Variants in CCDC88B observed in about 807,000 individuals in gnomAD.
CCDC88B encodes coiled-coil domain-containing protein 88B.
CCDC88B carries 138 observed loss-of-function variants against 183.7 expected under a neutral mutation model. The ratio of observed to expected loss-of-function variants is 0.75; its 90% CI spans 0.65 to 0.87. The LOEUF (loss-of-function observed/expected upper bound fraction) is 0.87, where lower values mean the gene tolerates loss of function less well. Among genes scored for constraint, CCDC88B ranks in the 40% least tolerant of loss-of-function variants. The pLI, the probability that CCDC88B is intolerant of heterozygous loss-of-function variation, is 0.00. For missense variants in CCDC88B, 1,822 were observed against 1,965.6 expected (o/e 0.93, Z 1.38); for synonymous variants, 835 against 867.5 (o/e 0.96, Z 0.66).
chr11:64,353,504 G>T lies in CCDC88B; in HGVS notation c.3833+8G>T. On this transcript the variant is annotated splice_region_variant and intron_variant, in intron 22 of 26. Transcript: ENST00000356786. ...CGAACAGCGGGAGTACCTGTGAGTGGGCCGCCTGGGAGCGGGGTGGGGCCT... is the reference window on the plus strand; with the variant it reads ...CGAACAGCGGGAGTACCTGTGAGTGTGCCGCCTGGGAGCGGGGTGGGGCCT... The T allele has an allele frequency of 6.2e-7, 1 of 1,609,820 alleles. No homozygotes were observed. The highest frequency in any genetic ancestry group is 8.5e-7 in the Non-Finnish European group (1 of 1,179,064).
chr11:64,341,315 G>A lies in CCDC88B; in HGVS notation c.434G>A (p.Gly145Glu), dbSNP rs2035840666. 30 of 1,614,146 alleles carry A rather than the reference G, an allele frequency of 1.9e-5. No homozygotes were observed. Among genetic ancestry groups the A allele is most frequent in the Non-Finnish European group, 2.5e-5 (30 of 1,180,028 alleles). ...QLEGVLRLLLGASVQCEHREL... is the reference protein window; with the variant it reads ...QLEGVLRLLLEASVQCEHREL... ...GAAGGCGTTCTTCGGCTACTGTTGGGAGCGTCAGTACAGGTGAGCCGGCGG... is the reference window on the plus strand; with the variant it reads ...GAAGGCGTTCTTCGGCTACTGTTGGAAGCGTCAGTACAGGTGAGCCGGCGG... Residue 145 changes from glycine (G) to glutamate (E), a missense_variant, in exon 5 of 27, where the codon GGA becomes GAA. Transcript: ENST00000356786.
intron 14 of CCDC88B, 73 bp from the exon 15 acceptor site, chr11:64,349,258 C>G: frequency 6.8e-7 from 1 of 1,478,796 alleles, no homozygotes. Context: ...AAAGGCAGCT[C>G]TCTTGACTCT....
chr11:64,351,409 G>C (rs2036325766), intron 17 of CCDC88B, 67 bp from the exon 18 acceptor site: 1 of 1,544,372 alleles, frequency 6.5e-7, no homozygotes, highest in African/African-American at 1.4e-5. Flanking sequence ...GTGTGAGTGT[G>C]GGCCTGTGGT....
At chr11:64,353,874 G>A in intron 23 of CCDC88B, 61 bp downstream of exon 23, 2 of 1,602,086 alleles carry the variant, frequency 1.2e-6, no homozygotes, top group Non-Finnish European at 8.5e-7. Flanking sequence ...CCCTGCCCTG[G>A]CCTCTGACCC....
At chr11:64,352,428 T>C in intron 19 of CCDC88B, 42 bp downstream of exon 19, 3 of 1,493,712 alleles carry the variant, frequency 2.0e-6, no homozygotes, top group Non-Finnish European at 8.9e-7. Flanking sequence ...TGGCACCCCC[T>C]ATCTGCCAGA....
chr11:64,357,483 C>T lies in CCDC88B; in HGVS notation c.*389C>T. On this transcript the variant is annotated 3_prime_UTR_variant, in exon 27 of 27. Coordinates refer to ENST00000356786, the MANE Select transcript of CCDC88B (RefSeq NM_032251.6). ...GACTGTGGCCTGGGCTGATCTTGAG[C>T]CTTAACTGGACATGAGGGGCATGAG... is the stretch of plus-strand genomic sequence containing the variant. 1.4e-6 allele frequency: 1 copy of T among 712,164 alleles called. No individual in the cohort carries two copies. The highest frequency in any genetic ancestry group is 2.6e-6 in the Non-Finnish European group (1 of 381,602). 44.1% of individuals were successfully genotyped at this position (712,164 alleles called of 1,614,324 possible).
rs780372875 is a variant in CCDC88B at position 64,341,436 on chromosome 11, C to A, written c.463C>A (p.Leu155Ile). ...CTCCCCTCAGTGTGAGCACCGGGAACTCTTCATCCGCCACATCCAGGGCCT... is the reference window on the plus strand; with the variant it reads ...CTCCCCTCAGTGTGAGCACCGGGAAATCTTCATCCGCCACATCCAGGGCCT... ...GASVQCEHRELFIRHIQGLSL... is the reference protein window; with the variant it reads ...GASVQCEHREIFIRHIQGLSL... The change falls in exon 6 of 27, where the codon CTC becomes ATC. Residue 155 changes from leucine to isoleucine, a missense_variant. Coordinates refer to ENST00000356786, the MANE Select transcript of CCDC88B (RefSeq NM_032251.6). The A allele has an allele frequency of 3.7e-6, 6 of 1,613,982 alleles. No homozygotes were observed. The highest frequency in any genetic ancestry group is 1.6e-4 in the Middle Eastern group (1 of 6,062).
rs1284566878 is a variant in CCDC88B at position 64,343,137 on chromosome 11, T to C, written c.1063-42T>C. On this transcript the variant is annotated intron_variant, in intron 10 of 26. Transcript: ENST00000356786. ...TGGGACCCTCAGGCGCTGGAGTGCA[T>C]GGGGGCTGCGTGGCTACCGGTTCTC... 1.8e-5 allele frequency: 27 copies of C among 1,490,738 alleles called. No individual in the cohort carries two copies. In the East Asian group the frequency reaches 6.5e-4, roughly 36 times the overall value. The allele number at this position is 1,490,738 out of a possible 1,614,324, so 92.3% of individuals were successfully genotyped here.
At chr11:64,343,972 G>A in intron 13 of CCDC88B, 25 bp from the exon 14 acceptor site, 1 of 1,561,996 alleles carries the variant, frequency 6.4e-7, no homozygotes, top group African/African-American at 1.4e-5. Flanking sequence ...CCCTGGGCCT[G>A]ACTGTCCCTC....
In CCDC88B at chr11:64,343,263, C is replaced by G. The variant is rs1478940205; in HGVS notation, c.1147C>G (p.Arg383Gly). 6.5e-7 allele frequency: 1 copy of G among 1,549,188 alleles called. No homozygotes were observed. The highest frequency in any genetic ancestry group is 1.2e-5 in the South Asian group (1 of 84,026). The change falls in exon 11 of 27, where the codon CGG (arginine) becomes GGG (glycine). Residue 383 changes from arginine to glycine, a missense_variant. Physicochemically the swap from Arg to Gly is moderately radical, Grantham distance 125. Coordinates refer to ENST00000356786, the MANE Select transcript of CCDC88B (RefSeq NM_032251.6). ...GGAGGCTGCCCGAGAGCGCTGCGCC[C>G]GGCTGCACGAGACCCAGCGCGAGAA... Reference protein sequence around the residue: ...QLEAARERCARLHETQRENLL... With the variant: ...QLEAARERCAGLHETQRENLL...
In CCDC88B at chr11:64,342,030, T is replaced by TG; in HGVS notation, c.713dup (p.Cys238TrpfsTer5). ...ACTGCTGCTGGAGCGAGAACCCCTC[T>TG]GCTTGAGGCCTGAGGCTCCCTCTAG... is the stretch of plus-strand genomic sequence containing the variant. On this transcript the variant is annotated frameshift_variant, in exon 8 of 27. Coordinates refer to ENST00000356786, the MANE Select transcript of CCDC88B (RefSeq NM_032251.6). LOFTEE classifies it high-confidence loss of function. 6.2e-7 allele frequency: 1 copy of TG among 1,612,616 alleles called. No homozygotes were observed. The highest frequency in any genetic ancestry group is 8.5e-7 in the Non-Finnish European group (1 of 1,179,696).
chr11:64,343,394 T>A (rs2035966943), intron 11 of CCDC88B, 69 bp downstream of exon 11: 7 of 1,539,090 alleles, frequency 4.5e-6, no homozygotes, highest in Admixed American at 3.9e-5. Flanking sequence ...TCCCTAGTGG[T>A]CCCTAGTGAT....
At position 64,353,238 on chromosome 11, in the gene CCDC88B, G is replaced by A. The variant is rs1029518737; in HGVS notation, c.3685G>A (p.Glu1229Lys). Reference sequence around the variant, plus strand: ...CGCCTGCCGGCTGACCACGCAGTGTGAGGTGTGGCTGGAGGGCCGGTGGGG... The same window carrying A: ...CGCCTGCCGGCTGACCACGCAGTGTAAGGTGTGGCTGGAGGGCCGGTGGGG... ...LSACRLTTQC[E>K]LLTQLRSAQE... Residue 1229 changes from glutamate (E) to lysine (K), a missense_variant and splice_region_variant, in exon 21 of 27, where the codon GAG becomes AAG. By Grantham distance (56) the Glu-to-Lys change is moderately conservative. Transcript: ENST00000356786. The A allele has an allele frequency of 5.1e-6, 8 of 1,565,696 alleles. No individual in the cohort carries two copies. Among genetic ancestry groups the A allele is most frequent in the Non-Finnish European group, 6.1e-6 (7 of 1,154,448 alleles).
At position 64,354,297 on chromosome 11, in the gene CCDC88B, C is replaced by T. The variant is rs531768101; in HGVS notation, c.4099+127C>T. The T allele has an allele frequency of 6.9e-5, 52 of 756,484 alleles. 2 individuals carry two copies. The South Asian group carries it at 2.4e-3, about 35-fold the overall frequency. The allele number at this position is 756,484 out of a possible 1,614,324, so 46.9% of individuals were successfully genotyped here. A position where few individuals can be genotyped will look rare whatever the true frequency, so the allele number is the denominator to read the frequency against. ...TGGCCTTCCCTGAGGCCTGCCCCCC[C>T]TGCCCTGATGCCACCAGGGGCTCTT... On this transcript the variant is annotated intron_variant, in intron 24 of 26. Transcript: ENST00000356786.
chr11:64,357,137 C>A lies in CCDC88B; in HGVS notation c.*43C>A. On this transcript the variant is annotated 3_prime_UTR_variant, in exon 27 of 27. Coordinates refer to ENST00000356786, the MANE Select transcript of CCDC88B (RefSeq NM_032251.6). ...GCTTGGGAGTGCAGCCTTCTCGGCACTGGAGTGTCAGCGGAGGCCCCAGGC... is the reference window on the plus strand; with the variant it reads ...GCTTGGGAGTGCAGCCTTCTCGGCAATGGAGTGTCAGCGGAGGCCCCAGGC... 1.2e-6 allele frequency: 2 copies of A among 1,611,136 alleles called. No individual in the cohort carries two copies. Among genetic ancestry groups the A allele is most frequent in the Non-Finnish European group, 1.7e-6 (2 of 1,177,480 alleles).
rs370989286 is a variant in CCDC88B, at chr11:64,341,552, C to T, written c.532-47C>T. The T allele has an allele frequency of 1.8e-4, 298 of 1,611,004 alleles. 1 individual carries two copies. The highest frequency in any genetic ancestry group is 2.3e-4 in the Non-Finnish European group (273 of 1,178,780). On this transcript the variant is annotated intron_variant, in intron 6 of 26. Transcript: ENST00000356786. ...CAGACTGGTATGGCACCTGGGACGCCCTTGCCACACCGCGGCTTCCACTGA... is the reference window on the plus strand; with the variant it reads ...CAGACTGGTATGGCACCTGGGACGCTCTTGCCACACCGCGGCTTCCACTGA...
intron 12 of CCDC88B, 40 bp downstream of exon 12, chr11:64,343,655 T>C: frequency 6.5e-7 from 1 of 1,548,226 alleles, no homozygotes; most frequent in Non-Finnish European, 8.7e-7. Context: ...GGGGGCTTCC[T>C]ATGCTTTCCA....
At position 64,344,093 on chromosome 11, in the gene CCDC88B, T is replaced by C. The variant is rs765223747; in HGVS notation, c.1552T>C (p.Leu518=). 1.9e-6 allele frequency: 3 copies of C among 1,612,678 alleles called. No homozygotes were observed. The highest frequency in any genetic ancestry group is 1.1e-5 in the South Asian group (1 of 91,000). Residue 518 remains leucine (L), a synonymous_variant, in exon 14 of 27, where the codon TTG becomes CTG. Transcript: ENST00000356786. This position sits in a 1 kb window ranked among gnomAD's most constrained non-coding sequence, Gnocchi z 4.5. Reference sequence around the variant, plus strand: ...GGCCTTCGACCACAGCCCTCAGGGCTTGGTTCAGAAGGCAAGGGATGGAGG... The same window carrying C: ...GGCCTTCGACCACAGCCCTCAGGGCCTGGTTCAGAAGGCAAGGGATGGAGG... The part of the protein sequence containing the change: ...PVAFDHSPQG[L]VQKARDGGPQ...
At chr11:64,342,423 C>A in intron 9 of CCDC88B, 48 bp downstream of exon 9, 1 of 1,548,702 alleles carries the variant, frequency 6.5e-7, no homozygotes, top group Non-Finnish European at 8.7e-7. Context: ...AACCTCCCCG[C>A]ACCCGGTCCC....
Sources: gnomAD v4.1 joint callset for allele counts on GRCh38, gnomAD v4.1.1 for gene constraint, Gnocchi (gnomAD v3.1) non-coding constraint, MANE v1.5 for transcripts, NCBI Gene and HGNC (gene_info 2026-07-23, HGNC 2026-07-21) for gene names.